Variants in GABBR2 observed in about 807,000 individuals in gnomAD.
GABBR2 encodes the protein G-protein coupled receptor 51.
GABBR2 carries 23 observed loss-of-function variants against 105.6 expected under a neutral mutation model. The ratio of observed to expected loss-of-function variants is 0.22; its 90% CI spans 0.16 to 0.31. GABBR2 has a LOEUF of 0.31. Among genes scored for constraint, GABBR2 ranks in the 10% least tolerant of loss-of-function variants. The pLI, the probability that GABBR2 is intolerant of heterozygous loss-of-function variation, is 1.00. For synonymous variants in GABBR2, 478 were observed against 499.7 expected, an observed-to-expected ratio of 0.96 and a Z score of 0.58; for missense variants, 734 against 1,245.5, an observed-to-expected ratio of 0.59 and a Z score of 6.18.
chr9:98,584,330 T>C (rs953923672), intron 1 of GABBR2, among the ~76,000 whole-genome samples: 5 of 152,184 alleles, frequency 3.3e-5, no homozygotes, highest in Non-Finnish European at 7.3e-5. Context: ...ACATAGTAGG[T>C]GCTCAATAAA....
At chr9:98,368,276 A>G (rs1831716199) in intron 12 of GABBR2, among the ~76,000 whole-genome samples, 1 of 151,914 alleles carries the variant, frequency 6.6e-6, no homozygotes, top group Non-Finnish European at 1.5e-5. Flanking sequence ...CTTAAAAACA[A>G]AAGTAGAAAA....
Position 98,684,169 on chromosome 9 carries a change from T to TTAAAAA in GABBR2, c.321+24247_321+24248insTTTTTA, listed in dbSNP as rs376323708. Among the ~76,000 whole-genome samples the TTAAAAA allele has an allele frequency of 2.4e-3, 162 of 66,144 alleles. 45 individuals carry two copies. Among genetic ancestry groups the TTAAAAA allele is most frequent in the East Asian group, 4.8e-3 (9 of 1,890 alleles). 43.4% of individuals were successfully genotyped at this position (66,144 alleles called of 152,430 possible). A position where few individuals can be genotyped will look rare whatever the true frequency, so the allele number is the denominator to read the frequency against. ...AAAAGAAGAATGCATTTTACCACGG[T>TTAAAAA]AAAAAAAAAAAAAAAAAAAAAAAAA... On this transcript the variant is annotated intron_variant, in intron 1 of 18. Transcript: ENST00000259455.
intron 12 of GABBR2, among the ~76,000 whole-genome samples, chr9:98,364,881 G>A (rs1255918643): frequency 1.3e-5 from 2 of 152,192 alleles, no homozygotes; most frequent in Non-Finnish European, 1.5e-5. Context: ...GGTTACAGGT[G>A]TGAGCCACCA....
At chr9:98,651,135 A>C (rs1026080881) in intron 1 of GABBR2, among the ~76,000 whole-genome samples, 3 of 134,332 alleles carry the variant, frequency 2.2e-5, no homozygotes, top group Non-Finnish European at 4.6e-5. Flanking sequence ...ACATACACAC[A>C]CTGGTTTTTT....
intron 7 of GABBR2, among the ~76,000 whole-genome samples, chr9:98,407,599 C>T (rs1165428881): frequency 1.3e-5 from 2 of 152,140 alleles, no homozygotes; most frequent in Admixed American, 6.5e-5. Flanking sequence ...GACCACTTTG[C>T]CTGAGTGGGA....
At chr9:98,670,384 T>C (rs1416128182) in intron 1 of GABBR2, among the ~76,000 whole-genome samples, 1 of 152,174 alleles carries the variant, frequency 6.6e-6, no homozygotes, top group Non-Finnish European at 1.5e-5. Context: ...CCTTGGGCAC[T>C]GTTGGTGGGA....
intron 1 of GABBR2, among the ~76,000 whole-genome samples, chr9:98,615,516 C>A (rs1260745705): frequency 1.3e-5 from 2 of 152,140 alleles, no homozygotes; most frequent in African/African-American, 4.8e-5. Flanking sequence ...GTCCAAAATT[C>A]TTTCTCCTCC....
At position 98,547,853 on chromosome 9, in the gene GABBR2, T is replaced by C; in HGVS notation, c.460-5810A>G. On this transcript the variant is annotated intron_variant, in intron 2 of 18. Coordinates refer to ENST00000259455, the MANE Select transcript of GABBR2 (RefSeq NM_005458.8). ...CTATTCGGGTTCTTTGTTCTGTGAG[T>C]TGCCTGACTTGCTTTTCAACAGCCT... 1.6e-5 allele frequency among the ~76,000 whole-genome samples: 2 copies of C among 122,562 alleles called. 1 individual carries two copies. The highest frequency in any genetic ancestry group is 3.7e-5 in the Non-Finnish European group (2 of 54,352). 80.4% of individuals were successfully genotyped at this position (122,562 alleles called of 152,430 possible).
At chr9:98,596,820 C>G (rs1000415823) in intron 1 of GABBR2, among the ~76,000 whole-genome samples, 1 of 152,204 alleles carries the variant, frequency 6.6e-6, no homozygotes, top group Non-Finnish European at 1.5e-5. Context: ...GCAAGACCCC[C>G]TCCCCTTAAC....
chr9:98,655,132 A>T (rs1216302522), intron 1 of GABBR2, among the ~76,000 whole-genome samples: 1 of 152,180 alleles, frequency 6.6e-6, no homozygotes, highest in African/African-American at 2.4e-5. Context: ...AAGCTATTCT[A>T]TGTAATATGG....
intron 1 of GABBR2, among the ~76,000 whole-genome samples, chr9:98,654,951 C>T (rs115234575): frequency 0.016 from 2,497 of 152,118 alleles, 72 homozygotes; most frequent in African/African-American, 0.057. Context: ...ATGAAAAGAC[C>T]TGGAGGGTCT....
intron 1 of GABBR2, among the ~76,000 whole-genome samples, chr9:98,705,543 C>T (rs992403937): frequency 2.6e-5 from 4 of 152,202 alleles, no homozygotes; most frequent in African/African-American, 9.7e-5. Context: ...ACCACATCCA[C>T]CCTGTGTTAA....
chr9:98,317,892 G>A (rs767727313), intron 13 of GABBR2, among the ~76,000 whole-genome samples: 1 of 152,182 alleles, frequency 6.6e-6, no homozygotes, highest in Non-Finnish European at 1.5e-5. Context: ...GGAAACTACG[G>A]GCACTTGGAG....
chr9:98,462,592 A>G (rs1044179477), intron 6 of GABBR2, among the ~76,000 whole-genome samples: 3 of 152,212 alleles, frequency 2.0e-5, no homozygotes, highest in Non-Finnish European at 4.4e-5. Context: ...AATTTAAACT[A>G]AAACAAGACA....
rs559914744 is a variant in GABBR2 at position 98,593,915 on chromosome 9, C to G, written c.322-15843G>C. ...ACATGGTGGTCACTCCCCCACCTGA[C>G]AGATGAGAGCTGGGCTACTGTCACA... On this transcript the variant is annotated intron_variant, in intron 1 of 18. Transcript: ENST00000259455. 6.6e-5 allele frequency among the ~76,000 whole-genome samples: 10 copies of G among 152,324 alleles called. No homozygotes were observed. The East Asian group carries it at 1.2e-3, about 18-fold the overall frequency.
intron 6 of GABBR2, among the ~76,000 whole-genome samples, chr9:98,458,442 G>A (rs1038152535): frequency 1.4e-4 from 22 of 152,288 alleles, no homozygotes; most frequent in African/African-American, 3.9e-4. Flanking sequence ...GGTGTCCCAC[G>A]CCTATAATCT....
intron 1 of GABBR2, chr9:98,607,315 T>C: frequency 1.2e-6 from 1 of 802,738 alleles, no homozygotes. Flanking sequence ...GCGTTGTTTA[T>C]ACTTCATTGC....
At chr9:98,385,265 G>A (rs921329883) in intron 11 of GABBR2, among the ~76,000 whole-genome samples, 9 of 152,244 alleles carry the variant, frequency 5.9e-5, no homozygotes, top group Middle Eastern at 3.4e-3. Context: ...GCACAGTGAC[G>A]CGATCACAAC....
At chr9:98,666,872 C>A (rs1830341831) in intron 1 of GABBR2, among the ~76,000 whole-genome samples, 1 of 152,162 alleles carries the variant, frequency 6.6e-6, no homozygotes, top group Non-Finnish European at 1.5e-5. Flanking sequence ...AGAAGAGGAG[C>A]CACTGCCCTG....
Sources: allele counts gnomAD v4.1 joint callset (sites outside exome capture counted in the v4.1 genomes callset), GRCh38; gene constraint gnomAD v4.1.1; transcripts MANE v1.5; gene names NCBI Gene and HGNC (gene_info 2026-07-23, HGNC 2026-07-21).